The following CCDC192 variants were observed in gnomAD, a reference collection of about 807,000 sequenced individuals.
CCDC192 encodes the protein coiled-coil domain-containing protein 192.
At chr5:127,730,783 T>G (rs1279129262) in intron 2 of CCDC192, among the ~76,000 whole-genome samples, 1 of 152,144 alleles carries the variant, frequency 6.6e-6, no homozygotes, top group Non-Finnish European at 1.5e-5. Flanking sequence ...ATTACCTCAA[T>G]AGAAGCAGAA....
intron 3 of CCDC192, among the ~76,000 whole-genome samples, chr5:127,755,544 C>T (rs1001162796): frequency 2.7e-5 from 4 of 149,470 alleles, no homozygotes; most frequent in Admixed American, 1.3e-4. Context: ...GTTTCCATCT[C>T]AGCCTCAAGC....
At chr5:127,887,328 CAAAA>C (rs10658827) in intron 6 of CCDC192, among the ~76,000 whole-genome samples, 1 of 87,604 alleles carries the variant, frequency 1.1e-5, no homozygotes, top group East Asian at 3.2e-4. Flanking sequence ...GACTCTGTCT[CAAAA>C]AAAAAAAAAA....
intron 1 of CCDC192, 114 bp from the exon 2 acceptor site, chr5:127,707,595 T>C (rs991677976): frequency 1.0e-5 from 4 of 386,242 alleles, no homozygotes; most frequent in African/African-American, 8.3e-5. Flanking sequence ...CTTTAGAAAA[T>C]TTATTTTAAA....
intron 6 of CCDC192, among the ~76,000 whole-genome samples, chr5:127,934,836 A>G (rs1288153209): frequency 6.6e-6 from 1 of 152,202 alleles, no homozygotes; most frequent in Admixed American, 6.5e-5. Context: ...AAGTATGGCA[A>G]GAGATGACCC....
intron 3 of CCDC192, among the ~76,000 whole-genome samples, chr5:127,787,375 A>T (rs1756602729): frequency 6.6e-6 from 1 of 152,116 alleles, no homozygotes; most frequent in South Asian, 2.1e-4. Flanking sequence ...CTGCCAGCCC[A>T]GGCCTCCTCC....
chr5:127,808,423 C>A (rs936583869), intron 5 of CCDC192, among the ~76,000 whole-genome samples: 3 of 152,022 alleles, frequency 2.0e-5, no homozygotes, highest in African/African-American at 7.3e-5. Flanking sequence ...CATATTGACC[C>A]TAAGTGGTTC....
At chr5:127,739,265 C>G (rs914169530) in intron 2 of CCDC192, among the ~76,000 whole-genome samples, 7 of 152,178 alleles carry the variant, frequency 4.6e-5, no homozygotes, top group Non-Finnish European at 7.3e-5. Flanking sequence ...CAGGGACCCA[C>G]TTGAGGAGGC....
chr5:127,889,881 A>ATTT (rs5871280), intron 6 of CCDC192, among the ~76,000 whole-genome samples: 4 of 147,862 alleles, frequency 2.7e-5, no homozygotes, highest in Middle Eastern at 3.5e-3. Context: ...AGTTTTATAA[A>ATTT]TTTTTTTTTT....
chr5:127,883,913 C>T lies in CCDC192; in HGVS notation c.535+8252C>T, dbSNP rs548893913. ...TCAGGCTGGTAAGGAGGCTGAACCG[C>T]GGGCTTTCTAGACTCCTCCGATGGC... On this transcript the variant is annotated intron_variant, in intron 6 of 6. Coordinates refer to ENST00000514853, the MANE Select transcript of CCDC192 (RefSeq NM_001317938.2). Among the ~76,000 whole-genome samples the T allele has an allele frequency of 1.4e-4, 21 of 152,208 alleles. No individual in the cohort carries two copies. The South Asian group carries it at 1.9e-3, about 14-fold the overall frequency.
chr5:127,866,639 T>C (rs990010350), intron 5 of CCDC192, among the ~76,000 whole-genome samples: 1 of 151,940 alleles, frequency 6.6e-6, no homozygotes, highest in Non-Finnish European at 1.5e-5. Context: ...TTCTAAAGTA[T>C]TAATATCAGT....
At chr5:127,773,830 G>A (rs935204999) in intron 3 of CCDC192, among the ~76,000 whole-genome samples, 14 of 152,128 alleles carry the variant, frequency 9.2e-5, no homozygotes, top group East Asian at 5.8e-4. Context: ...CTTTTTGATC[G>A]GTCACCAATT....
At chr5:127,827,714 G>C (rs940703545) in intron 5 of CCDC192, among the ~76,000 whole-genome samples, 1 of 152,124 alleles carries the variant, frequency 6.6e-6, no homozygotes, top group African/African-American at 2.4e-5. Flanking sequence ...GAAATAACTG[G>C]ACCAACATAT....
chr5:127,711,966 A>G (rs553570787), intron 2 of CCDC192, among the ~76,000 whole-genome samples: 1 of 152,054 alleles, frequency 6.6e-6, no homozygotes. Context: ...AGCTACCACC[A>G]CAATCAGGAT....
At chr5:127,797,750 TATATATATATATATATA>T (rs1561494012) in intron 4 of CCDC192, among the ~76,000 whole-genome samples, 698 of 31,002 alleles carry the variant, frequency 0.023, 14 homozygotes, top group Non-Finnish European at 0.063. Context: ...TATATATATA[TATATATATATATATATA>T]TATATATATA....
intron 6 of CCDC192, among the ~76,000 whole-genome samples, chr5:127,882,039 A>G (rs978882485): frequency 6.6e-5 from 10 of 152,254 alleles, no homozygotes; most frequent in Admixed American, 6.5e-4. Context: ...ATCCCAATGA[A>G]AGTCCTGGCA....
Position 127,853,322 on chromosome 5 carries a change from A to G in CCDC192, c.412-22216A>G, listed in dbSNP as rs143641352. Reference sequence around the variant, plus strand: ...TGTATAATAATTCAAAAATGTTAAAATTCTTCCCTTTCTCAAACACATACC... The same window carrying G: ...TGTATAATAATTCAAAAATGTTAAAGTTCTTCCCTTTCTCAAACACATACC... On this transcript the variant is annotated intron_variant, in intron 5 of 6. Coordinates refer to ENST00000514853, the MANE Select transcript of CCDC192 (RefSeq NM_001317938.2). 5.1e-4 allele frequency among the ~76,000 whole-genome samples: 78 copies of G among 152,288 alleles called. No homozygotes were observed. The East Asian group carries it at 0.013, about 24-fold the overall frequency.
intron 5 of CCDC192, among the ~76,000 whole-genome samples, chr5:127,798,917 A>G (rs1710274): frequency 0.97 from 147,621 of 152,122 alleles, 71,645 homozygotes; most frequent in East Asian, 1. Flanking sequence ...AACAACACAT[A>G]AGCATCTCCT....
Position 127,941,362 on chromosome 5 carries a change from G to A in CCDC192, c.716G>A (p.Ser239Asn). The change falls in exon 7 of 7, where the codon AGT becomes AAT. Residue 239 changes from serine (S) to asparagine (N), a missense_variant. Transcript: ENST00000514853. The part of the protein sequence containing the change: ...RKIQQLEAER[S>N]PHPPQEVKDP... The stretch of plus-strand genomic sequence containing the variant: ...ATTCAGCAGCTGGAAGCTGAGCGGA[G>A]TCCCCATCCTCCCCAAGAGGTCAAG... 1 of 399,082 alleles carries A rather than the reference G, an allele frequency of 2.5e-6. No individual in the cohort carries two copies. The highest frequency in any genetic ancestry group is 4.4e-6 in the Non-Finnish European group (1 of 226,098). The allele number at this position is 399,082 out of a possible 1,614,324, so 24.7% of individuals were successfully genotyped here.
At chr5:127,821,822 G>A (rs1483938177) in intron 5 of CCDC192, among the ~76,000 whole-genome samples, 2 of 152,160 alleles carry the variant, frequency 1.3e-5, no homozygotes, top group South Asian at 4.1e-4. Context: ...GAGATAGAAG[G>A]TGGTACCCAG....
Sources: gnomAD v4.1 joint callset for allele counts (sites outside exome capture counted in the v4.1 genomes callset) on GRCh38, gnomAD v4.1.1 for gene constraint, MANE v1.5 for transcripts, NCBI Gene and HGNC (gene_info 2026-07-23, HGNC 2026-07-21) for gene names.